The following PTPRK variants were observed in gnomAD, a reference collection of about 807,000 sequenced individuals.
The protein encoded by PTPRK is protein tyrosine phosphatase receptor type K.
PTPRK carries 75 observed loss-of-function variants against 178.0 expected under a neutral mutation model. The observed-to-expected ratio is 0.42, with a 90% CI of 0.35 to 0.51. The LOEUF (loss-of-function observed/expected upper bound fraction) is 0.51. Among genes scored for constraint, PTPRK ranks in the 20% least tolerant of loss-of-function variants. The pLI is 0.02. For synonymous variants in PTPRK, 637 were observed against 620.6 expected, an observed-to-expected ratio of 1.03 and a Z score of -0.39; for missense variants, 1,441 against 1,797.8, an observed-to-expected ratio of 0.80 and a Z score of 3.59.
At chr6:128,102,264 T>G (rs546030025) in intron 7 of PTPRK, among the ~76,000 whole-genome samples, 5 of 152,344 alleles carry the variant, frequency 3.3e-5, no homozygotes, top group African/African-American at 1.2e-4. Flanking sequence ...CCAGATCACT[T>G]GCTTAGAATT....
At chr6:128,357,793 T>C (rs1834154379) in intron 2 of PTPRK, among the ~76,000 whole-genome samples, 1 of 152,254 alleles carries the variant, frequency 6.6e-6, no homozygotes, top group African/African-American at 2.4e-5. Context: ...TATGCTGATA[T>C]TGTAACTATT....
intron 1 of PTPRK, among the ~76,000 whole-genome samples, chr6:128,512,654 T>C (rs1285815504): frequency 1.3e-5 from 2 of 152,240 alleles, no homozygotes; most frequent in Middle Eastern, 3.2e-3. Context: ...AAGCAAGCTA[T>C]AAAATGCAAG....
intron 7 of PTPRK, among the ~76,000 whole-genome samples, chr6:128,129,002 A>G (rs1211955986): frequency 6.6e-6 from 1 of 152,230 alleles, no homozygotes. Flanking sequence ...AGGCCTAAAC[A>G]GGCCTATTGA....
intron 13 of PTPRK, among the ~76,000 whole-genome samples, chr6:128,012,517 T>A (rs1293286239): frequency 1.3e-5 from 2 of 150,982 alleles, no homozygotes; most frequent in Non-Finnish European, 3.0e-5. Context: ...ATCTTTACCA[T>A]TTTTTTTATC....
chr6:128,260,248 AGAG>A (rs1335340957), intron 3 of PTPRK, among the ~76,000 whole-genome samples: 1 of 152,104 alleles, frequency 6.6e-6, no homozygotes, highest in East Asian at 1.9e-4. Context: ...GGCTTATAGC[AGAG>A]GAGTGACATA....
intron 7 of PTPRK, among the ~76,000 whole-genome samples, chr6:128,152,967 ACT>A (rs753521145): frequency 2.6e-5 from 4 of 151,790 alleles, no homozygotes; most frequent in Non-Finnish European, 5.9e-5. Flanking sequence ...TGCAGGACTG[ACT>A]CTGTAACACC....
intron 11 of PTPRK, among the ~76,000 whole-genome samples, chr6:128,069,560 C>A (rs1158956933): frequency 2.0e-5 from 3 of 152,100 alleles, no homozygotes; most frequent in African/African-American, 7.2e-5. Context: ...ATTTGCATGT[C>A]CTGTGGATAC....
intron 7 of PTPRK, among the ~76,000 whole-genome samples, chr6:128,108,260 T>C (rs1043384546): frequency 2.0e-5 from 3 of 152,274 alleles, no homozygotes; most frequent in Non-Finnish European, 1.5e-5. Context: ...AATACAGTCA[T>C]TTTAGTGAAT....
chr6:128,414,214 A>C (rs1004323661), intron 1 of PTPRK, among the ~76,000 whole-genome samples: 1 of 152,164 alleles, frequency 6.6e-6, no homozygotes, highest in African/African-American at 2.4e-5. Context: ...ACCTGAAGGA[A>C]TGTCAAGATT....
intron 2 of PTPRK, among the ~76,000 whole-genome samples, chr6:128,357,116 A>G (rs924933732): frequency 2.0e-5 from 3 of 152,230 alleles, no homozygotes; most frequent in Admixed American, 6.5e-5. Context: ...AAGATGAGAC[A>G]GAGCACAGGG....
chr6:128,029,560 A>C (rs1774920085), intron 13 of PTPRK, among the ~76,000 whole-genome samples: 1 of 151,416 alleles, frequency 6.6e-6, no homozygotes, highest in South Asian at 2.1e-4. Flanking sequence ...CGAGGCAGAA[A>C]AATCACTTGA....
intron 13 of PTPRK, among the ~76,000 whole-genome samples, chr6:128,025,110 C>T (rs1446543122): frequency 2.0e-5 from 3 of 152,178 alleles, no homozygotes; most frequent in Non-Finnish European, 4.4e-5. Flanking sequence ...TTAAGATTAT[C>T]TCAAGCTATT....
chr6:128,244,989 A>G (rs1028516650), intron 3 of PTPRK, among the ~76,000 whole-genome samples: 9 of 152,162 alleles, frequency 5.9e-5, no homozygotes, highest in Non-Finnish European at 1.3e-4. Context: ...CTGGTGGAGG[A>G]GGAGAAGTTT....
chr6:128,197,619 A>T (rs1805127149), intron 6 of PTPRK, among the ~76,000 whole-genome samples: 1 of 152,126 alleles, frequency 6.6e-6, no homozygotes. Flanking sequence ...ATGTGAGGAA[A>T]AAGAGATCAA....
chr6:128,360,677 ACTCCC>A lies in PTPRK; in HGVS notation c.223+36884_223+36888del, dbSNP rs1418174053. Among the ~76,000 whole-genome samples, 204 of 151,996 alleles carry A rather than the reference ACTCCC, an allele frequency of 1.3e-3. No individual in the cohort carries two copies. The Middle Eastern group carries it at 0.014, about 10-fold the overall frequency. ...TTCATAATCCAGGACCTAATGTGTG[ACTCCC>A]TTCATGTTGATATGAGCATCAATTA... is the stretch of plus-strand genomic sequence containing the variant. On this transcript the variant is annotated intron_variant, in intron 2 of 29. Coordinates refer to ENST00000368226, the MANE Select transcript of PTPRK (RefSeq NM_002844.4).
At chr6:128,373,007 A>C (rs1053437809) in intron 2 of PTPRK, among the ~76,000 whole-genome samples, 1 of 152,082 alleles carries the variant, frequency 6.6e-6, no homozygotes, top group East Asian at 1.9e-4. Flanking sequence ...AAAAAAAAAA[A>C]TGGTGACCTA....
chr6:127,998,839 C>T lies in PTPRK; in HGVS notation c.2560G>A (p.Gly854Arg). 6.2e-7 allele frequency: 1 copy of T among 1,607,838 alleles called. No homozygotes were observed. The highest frequency in any genetic ancestry group is 8.5e-7 in the Non-Finnish European group (1 of 1,176,056). ...LLDVPRYLCE[G>R]TESPYQTGQL... is the part of the protein sequence containing the mutation. ...CCTGTCTGGTAAGGGGATTCCGTCCCCTCACAGAGGTAGCGAGGTACGTCT... is the reference window on the plus strand; with the variant it reads ...CCTGTCTGGTAAGGGGATTCCGTCCTCTCACAGAGGTAGCGAGGTACGTCT... The change falls in exon 16 of 30, where the codon GGG becomes AGG. Residue 854 changes from glycine to arginine, a missense_variant. This residue lies in a region of PTPRK where 945 missense variants were observed against 1,080.6 expected (regional missense o/e 0.87). Coordinates refer to ENST00000368226, the MANE Select transcript of PTPRK (RefSeq NM_002844.4).
At chr6:128,359,613 G>A (rs1300606893) in intron 2 of PTPRK, among the ~76,000 whole-genome samples, 1 of 151,906 alleles carries the variant, frequency 6.6e-6, no homozygotes, top group Non-Finnish European at 1.5e-5. Context: ...GTAGCCAGGT[G>A]TGGTGGCAAG....
intron 13 of PTPRK, among the ~76,000 whole-genome samples, chr6:128,024,901 G>T (rs1478487934): frequency 1.3e-5 from 2 of 152,122 alleles, no homozygotes; most frequent in Non-Finnish European, 2.9e-5. Context: ...AGGATCATTA[G>T]ATTTTTCAGC....
Sources: allele counts gnomAD v4.1 joint callset (sites outside exome capture counted in the v4.1 genomes callset), GRCh38; gene constraint gnomAD v4.1.1; regional missense constraint gnomAD v4.1.1; transcripts MANE v1.5; gene names NCBI Gene and HGNC (gene_info 2026-07-23, HGNC 2026-07-21).